RBFOX1: variants seen among roughly 807,000 people sequenced by gnomAD.
RBFOX1 encodes the protein RNA binding fox-1 homolog 1.
RBFOX1 carries 8 observed loss-of-function variants against 57.7 expected under a neutral mutation model. That is an observed-to-expected ratio of 0.14 (90% CI 0.08 to 0.25). The LOEUF (loss-of-function observed/expected upper bound fraction) is 0.25. Among genes scored for constraint, RBFOX1 ranks in the 10% least tolerant of loss-of-function variants. RBFOX1 has a pLI of 1.00. For synonymous variants in RBFOX1, 326 were observed against 222.4 expected, an observed-to-expected ratio of 1.47 and a Z score of -4.15; for missense variants, 611 against 548.5, an observed-to-expected ratio of 1.11 and a Z score of -1.14.
At chr16:6,205,813 A>G (rs1323283721) in intron 1 of RBFOX1, among the ~76,000 whole-genome samples, 3 of 145,084 alleles carry the variant, frequency 2.1e-5, no homozygotes, top group South Asian at 2.2e-4. Context: ...CTTTAAGTAC[A>G]TTCACAAATA....
Position 7,613,045 on chromosome 16 carries a change from T to C in RBFOX1, c.676+5707T>C, listed in dbSNP as rs929547575. Among the ~76,000 whole-genome samples, 6 of 152,156 alleles carry C rather than the reference T, an allele frequency of 3.9e-5. No individual in the cohort carries two copies. In the South Asian group the frequency reaches 1.0e-3, roughly 26 times the overall value. ...GATCAATAGGGAAAGGCAAAGATCT[T>C]CTAACGGAAATGCAGATCTAAGATA... On this transcript the variant is annotated intron_variant, in intron 10 of 15. Coordinates refer to ENST00000550418, the MANE Select transcript of RBFOX1 (RefSeq NM_018723.4).
At chr16:7,061,439 A>G (rs1321919256) in intron 4 of RBFOX1, among the ~76,000 whole-genome samples, 1 of 152,192 alleles carries the variant, frequency 6.6e-6, no homozygotes, top group Non-Finnish European at 1.5e-5. Flanking sequence ...TCATTGTGAA[A>G]TATGATTAAA....
intron 4 of RBFOX1, among the ~76,000 whole-genome samples, chr16:7,071,859 C>G (rs967830217): frequency 6.6e-6 from 1 of 152,094 alleles, no homozygotes; most frequent in African/African-American, 2.4e-5. Flanking sequence ...CTTATCATGT[C>G]TTTTTACAAC....
chr16:6,922,628 G>A (rs2153456838), intron 3 of RBFOX1, among the ~76,000 whole-genome samples: 1 of 152,306 alleles, frequency 6.6e-6, no homozygotes, highest in South Asian at 2.1e-4. Context: ...ACTGTTGAAT[G>A]TGAAATGTGC....
chr16:7,173,226 C>G (rs1034813778), intron 4 of RBFOX1, among the ~76,000 whole-genome samples: 1 of 152,160 alleles, frequency 6.6e-6, no homozygotes, highest in African/African-American at 2.4e-5. Context: ...TACTTTTCTC[C>G]TCCCCCTTTT....
intron 4 of RBFOX1, among the ~76,000 whole-genome samples, chr16:7,182,177 G>C (rs950620061): frequency 6.6e-6 from 1 of 152,088 alleles, no homozygotes; most frequent in Non-Finnish European, 1.5e-5. Context: ...TTACCTTTTA[G>C]GGTCAGAGAC....
chr16:7,629,683 G>A (rs2060628055), intron 10 of RBFOX1, among the ~76,000 whole-genome samples: 2 of 152,240 alleles, frequency 1.3e-5, no homozygotes, highest in African/African-American at 4.8e-5. Context: ...GGAGTGGGTG[G>A]TTGTTCAAAA....
chr16:7,387,900 G>C (rs1357119208), intron 4 of RBFOX1, among the ~76,000 whole-genome samples: 1 of 152,092 alleles, frequency 6.6e-6, no homozygotes, highest in East Asian at 1.9e-4. Flanking sequence ...TGCTGTCTTT[G>C]ATTTTCCACT....
intron 1 of RBFOX1, among the ~76,000 whole-genome samples, chr16:6,099,216 A>G (rs747578498): frequency 9.9e-5 from 15 of 152,200 alleles, no homozygotes; most frequent in Non-Finnish European, 1.9e-4. Context: ...GGCCAAAGAA[A>G]GTGTTAAGAG....
intron 3 of RBFOX1, among the ~76,000 whole-genome samples, chr16:7,016,796 C>T (rs879873929): frequency 3.3e-5 from 5 of 152,074 alleles, no homozygotes; most frequent in Admixed American, 1.3e-4. Flanking sequence ...GGTGACAGGA[C>T]GTGGTTACCC....
intron 2 of RBFOX1, among the ~76,000 whole-genome samples, chr16:6,653,746 A>G (rs567480906): frequency 1.3e-5 from 2 of 151,604 alleles, no homozygotes; most frequent in South Asian, 4.2e-4. Context: ...AGATGGATGG[A>G]TGGGTGGGTA....
intron 4 of RBFOX1, among the ~76,000 whole-genome samples, chr16:7,503,319 T>G (rs1336572207): frequency 1.3e-5 from 2 of 152,198 alleles, no homozygotes; most frequent in African/African-American, 2.4e-5. Context: ...TTTGTATGTA[T>G]AAGGACTTCC....
chr16:6,839,535 C>G (rs1278836261), intron 3 of RBFOX1, among the ~76,000 whole-genome samples: 2 of 152,196 alleles, frequency 1.3e-5, no homozygotes, highest in Admixed American at 6.5e-5. Flanking sequence ...ATCAGACAGA[C>G]AAGGAGGGTA....
intron 4 of RBFOX1, among the ~76,000 whole-genome samples, chr16:7,185,540 A>G (rs2083551717): frequency 6.6e-6 from 1 of 152,210 alleles, no homozygotes; most frequent in Non-Finnish European, 1.5e-5. Context: ...TTGTGGACAC[A>G]CACATTCTTG....
At chr16:7,684,434 A>C (rs1166577390) in intron 14 of RBFOX1, among the ~76,000 whole-genome samples, 1 of 152,122 alleles carries the variant, frequency 6.6e-6, no homozygotes, top group Non-Finnish European at 1.5e-5. Context: ...TTATTGATAC[A>C]TTATGATGTG....
At chr16:5,304,121 G>A (rs1053670756) in intron 1 of RBFOX1, among the ~76,000 whole-genome samples, 3 of 152,146 alleles carry the variant, frequency 2.0e-5, no homozygotes, top group Admixed American at 2.0e-4. Flanking sequence ...GCATAATGCT[G>A]GCAGATTATT....
chr16:5,717,662 C>G (rs759107716), intron 3 of RBFOX1, among the ~76,000 whole-genome samples: 1 of 152,184 alleles, frequency 6.6e-6, no homozygotes, highest in Non-Finnish European at 1.5e-5. Flanking sequence ...TCCTCCAGCT[C>G]CATCCAAGTT....
chr16:6,894,555 A>T (rs919294772), intron 3 of RBFOX1, among the ~76,000 whole-genome samples: 2 of 152,062 alleles, frequency 1.3e-5, no homozygotes, highest in Admixed American at 1.3e-4. Flanking sequence ...TGTACCCCCA[A>T]AACAAGAAGT....
intron 1 of RBFOX1, among the ~76,000 whole-genome samples, chr16:6,136,287 C>T (rs145913335): frequency 2.6e-5 from 4 of 152,212 alleles, no homozygotes; most frequent in Non-Finnish European, 4.4e-5. Context: ...TGCTGGCTCC[C>T]CTTGGTTTAG....
Sources: allele counts gnomAD v4.1 joint callset (sites outside exome capture counted in the v4.1 genomes callset), GRCh38; gene constraint gnomAD v4.1.1; transcripts MANE v1.5; gene names NCBI Gene and HGNC (gene_info 2026-07-23, HGNC 2026-07-21).